Variants in CTNNA2 observed in about 807,000 individuals in gnomAD.
The protein encoded by CTNNA2 is catenin alpha 2.
Under a neutral mutation model 101.0 loss-of-function variants are expected in CTNNA2, and 42 were observed. That is an observed-to-expected ratio of 0.42 (90% CI 0.32 to 0.54). The LOEUF is 0.54. Among genes scored for constraint, CTNNA2 ranks in the 20% least tolerant of loss-of-function variants. The pLI is 0.14. For missense variants in CTNNA2, 871 were observed against 1,223.1 expected, an observed-to-expected ratio of 0.71 and a Z score of 4.29; for synonymous variants, 450 against 456.4, an observed-to-expected ratio of 0.99 and a Z score of 0.18.
At chr2:80,024,110 T>G (rs970835332) in intron 7 of CTNNA2, among the ~76,000 whole-genome samples, 2 of 145,376 alleles carry the variant, frequency 1.4e-5, no homozygotes, top group Non-Finnish European at 3.0e-5. Context: ...AAAAAAAAAG[T>G]CTATTAAGGT....
intron 7 of CTNNA2, among the ~76,000 whole-genome samples, chr2:80,022,376 C>A (rs568827540): frequency 6.6e-6 from 1 of 152,218 alleles, no homozygotes; most frequent in Admixed American, 6.5e-5. Flanking sequence ...ATTTCTAATT[C>A]TAGCAAGTAT....
At chr2:80,431,424 A>G (rs1284337938) in intron 9 of CTNNA2, among the ~76,000 whole-genome samples, 1 of 152,100 alleles carries the variant, frequency 6.6e-6, no homozygotes, top group Non-Finnish European at 1.5e-5. Flanking sequence ...GCTTGTCACT[A>G]TTTAGGTGCC....
intron 7 of CTNNA2, among the ~76,000 whole-genome samples, chr2:80,020,993 CTTTTTTTTTT>C (rs869061321): frequency 1.7e-4 from 15 of 89,352 alleles, no homozygotes; most frequent in Non-Finnish European, 2.9e-4. Flanking sequence ...GACCAATCAT[CTTTTTTTTTT>C]TTTTTTTTTT....
At chr2:79,736,991 A>G (rs969105337) in intron 2 of CTNNA2, among the ~76,000 whole-genome samples, 16 of 152,202 alleles carry the variant, frequency 1.1e-4, no homozygotes, top group African/African-American at 3.9e-4. Context: ...TGATTCACCA[A>G]GCTGTTTGTA....
chr2:80,243,894 C>T (rs1671130035), intron 7 of CTNNA2, among the ~76,000 whole-genome samples: 1 of 152,166 alleles, frequency 6.6e-6, no homozygotes, highest in African/African-American at 2.4e-5. Flanking sequence ...TTTATATTCC[C>T]ACTGACTGAG....
intron 5 of CTNNA2, 57 bp downstream of exon 5, chr2:79,869,992 TA>T (rs1682461370): frequency 6.3e-7 from 1 of 1,589,710 alleles, no homozygotes; most frequent in African/African-American, 1.3e-5. Flanking sequence ...AATAACCCTG[TA>T]GCTTTTTAGG....
chr2:79,210,018 T>G (rs1674150523), intron 2 of CTNNA2, among the ~76,000 whole-genome samples: 1 of 151,582 alleles, frequency 6.6e-6, no homozygotes, highest in Non-Finnish European at 1.5e-5. Context: ...ACAGGAATTA[T>G]GACCATCCAC....
At chr2:80,639,803 T>C (rs558857841) in intron 18 of CTNNA2, among the ~76,000 whole-genome samples, 1 of 152,154 alleles carries the variant, frequency 6.6e-6, no homozygotes, top group South Asian at 2.1e-4. Context: ...CAACATCCTT[T>C]AGATAAAAAT....
At position 79,747,703 on chromosome 2, in the gene CTNNA2, A is replaced by C. The variant is rs80123224; in HGVS notation, c.298+3121A>C. 4.7e-3 allele frequency among the ~76,000 whole-genome samples: 716 copies of C among 152,338 alleles called. 4 individuals are homozygous for C. Among genetic ancestry groups the C allele is most frequent in the African/African-American group, 0.016 (646 of 41,578 alleles). The stretch of plus-strand genomic sequence containing the variant: ...AATAAACAACACAGTTCTTGGCCAG[A>C]CTATCCTAGGAGTATTGGAGTAACA... On this transcript the variant is annotated intron_variant, in intron 3 of 18. Transcript: ENST00000402739.
intron 7 of CTNNA2, among the ~76,000 whole-genome samples, chr2:80,305,582 C>A (rs1013404503): frequency 1.3e-5 from 2 of 152,118 alleles, no homozygotes; most frequent in Admixed American, 6.5e-5. Context: ...CCTAATTAAT[C>A]TTTGAGACTG....
chr2:80,477,988 C>T lies in CTNNA2; in HGVS notation c.1290+58387C>T, dbSNP rs1026084757. On this transcript the variant is annotated intron_variant, in intron 9 of 18. Coordinates refer to ENST00000402739, the MANE Select transcript of CTNNA2 (RefSeq NM_001282597.3). ...TCTCCATACTATTTTCCTTAGAGGT[C>T]GTACTAATTTACTTTCTCATCAACA... Among the ~76,000 whole-genome samples the T allele has an allele frequency of 4.6e-5, 7 of 152,060 alleles. 2 individuals are homozygous for T. The highest frequency in any genetic ancestry group is 3.9e-4 in the Admixed American group (6 of 15,244).
intron 4 of CTNNA2, among the ~76,000 whole-genome samples, chr2:79,500,426 A>T (rs1341131857): frequency 6.6e-6 from 1 of 152,234 alleles, no homozygotes; most frequent in African/African-American, 2.4e-5. Context: ...AAACTTTTAT[A>T]TTCACCTGGG....
At chr2:79,689,855 T>G (rs1684174902) in intron 2 of CTNNA2, among the ~76,000 whole-genome samples, 1 of 151,934 alleles carries the variant, frequency 6.6e-6, no homozygotes, top group Non-Finnish European at 1.5e-5. Context: ...TAACAGTAGA[T>G]TAGACAAAGC....
At chr2:79,194,483 C>G (rs1673932972) in intron 1 of CTNNA2, among the ~76,000 whole-genome samples, 1 of 152,212 alleles carries the variant, frequency 6.6e-6, no homozygotes, top group Non-Finnish European at 1.5e-5. Flanking sequence ...TGGTCTTTCT[C>G]TGGCAAGACA....
At chr2:79,200,299 G>A (rs1431067310) in intron 2 of CTNNA2, among the ~76,000 whole-genome samples, 2 of 151,898 alleles carry the variant, frequency 1.3e-5, no homozygotes, top group South Asian at 2.1e-4. Flanking sequence ...CAGGAGAATC[G>A]CTTGAACCTG....
At chr2:80,368,841 G>GTA (rs1462729180) in intron 7 of CTNNA2, among the ~76,000 whole-genome samples, 2 of 140,152 alleles carry the variant, frequency 1.4e-5, no homozygotes, top group Non-Finnish European at 3.0e-5. Flanking sequence ...ATGTGTGTGT[G>GTA]TATATATGTG....
At chr2:79,348,436 A>C (rs1365983588) in intron 3 of CTNNA2, among the ~76,000 whole-genome samples, 3 of 152,324 alleles carry the variant, frequency 2.0e-5, no homozygotes, top group Non-Finnish European at 2.9e-5. Context: ...CCTATCACAG[A>C]ACTTTCCTAG....
intron 7 of CTNNA2, among the ~76,000 whole-genome samples, chr2:80,347,914 G>T (rs540416625): frequency 6.6e-6 from 1 of 150,700 alleles, no homozygotes; most frequent in South Asian, 2.1e-4. Context: ...GAGCACCTTG[G>T]GGGGAGTTTT....
intron 7 of CTNNA2, among the ~76,000 whole-genome samples, chr2:80,036,147 C>T (rs1695634843): frequency 6.6e-6 from 1 of 152,122 alleles, no homozygotes; most frequent in South Asian, 2.1e-4. Context: ...CGATAATCTA[C>T]TAGAGACTGG....
Sources: allele counts gnomAD v4.1 joint callset (sites outside exome capture counted in the v4.1 genomes callset), GRCh38; gene constraint gnomAD v4.1.1; transcripts MANE v1.5; gene names NCBI Gene and HGNC (gene_info 2026-07-23, HGNC 2026-07-21).